Variants in DNAAF10 observed in about 807,000 individuals in gnomAD.
DNAAF10 encodes dynein axonemal assembly factor 10.
Under a neutral mutation model 43.7 loss-of-function variants are expected in DNAAF10, and 28 were observed. The observed-to-expected ratio is 0.64, with a 90% CI of 0.48 to 0.88. The LOEUF (loss-of-function observed/expected upper bound fraction) is 0.88. DNAAF10 is among the 40% of genes least tolerant of loss of function. The pLI, the probability that DNAAF10 is intolerant of heterozygous loss-of-function variation, is 0.00. For missense variants in DNAAF10, 403 were observed against 439.1 expected (o/e 0.92, Z 0.73); for synonymous variants, 156 against 157.3 (o/e 0.99, Z 0.06).
At chr2:68,143,130 G>A (rs983249954) in intron 3 of DNAAF10, among the ~76,000 whole-genome samples, 1 of 151,910 alleles carries the variant, frequency 6.6e-6, no homozygotes, top group Non-Finnish European at 1.5e-5. Flanking sequence ...CCCAAGTGCT[G>A]GGATTACAGA....
chr2:68,131,144 T>C lies in DNAAF10; in HGVS notation c.*94A>G. ...CATGTTAGCCAGGATGGTCTCGATCTCCTGACCTTCTGATCCACCCGCCTC... is the reference window on the plus strand; with the variant it reads ...CATGTTAGCCAGGATGGTCTCGATCCCCTGACCTTCTGATCCACCCGCCTC... On this transcript the variant is annotated 3_prime_UTR_variant, in exon 8 of 8. Coordinates refer to ENST00000295121, the MANE Select transcript of DNAAF10 (RefSeq NM_138458.4). 2 of 1,253,954 alleles carry C rather than the reference T, an allele frequency of 1.6e-6. No homozygotes were observed. The highest frequency in any genetic ancestry group is 2.3e-6 in the Non-Finnish European group (2 of 861,822). 77.7% of individuals were successfully genotyped at this position (1,253,954 alleles called of 1,614,324 possible).
chr2:68,138,429 T>C (rs2290116), intron 5 of DNAAF10, among the ~76,000 whole-genome samples: 21,854 of 152,190 alleles, frequency 0.14, 2,093 homozygotes, highest in Non-Finnish European at 0.21. Context: ...CTTTCTGATA[T>C]TGGCATAAAA....
chr2:68,151,859 A>G (rs1040629878), intron 1 of DNAAF10, among the ~76,000 whole-genome samples: 7 of 152,226 alleles, frequency 4.6e-5, no homozygotes, highest in Non-Finnish European at 8.8e-5. Flanking sequence ...TTTCTAATAT[A>G]TACAACACTG....
In DNAAF10 at chr2:68,144,538, T is replaced by C. The variant is rs373765687; in HGVS notation, c.415+47A>G. The C allele has an allele frequency of 3.1e-5, 50 of 1,601,118 alleles. No homozygotes were observed. The African/African-American group carries it at 6.1e-4, about 19-fold the overall frequency. ...GAGAGGATGTACTGCTGCATAGAGA[T>C]TTCCATTAAAATAAATAAACAAAAT... On this transcript the variant is annotated intron_variant, in intron 3 of 7. Transcript: ENST00000295121.
At chr2:68,151,572 T>C (rs1242150127) in intron 1 of DNAAF10, among the ~76,000 whole-genome samples, 3 of 152,202 alleles carry the variant, frequency 2.0e-5, no homozygotes, top group Non-Finnish European at 2.9e-5. Context: ...CCTTGCCTAA[T>C]TTTTTTAACG....
chr2:68,133,546 A>G (rs1672969105), intron 7 of DNAAF10, among the ~76,000 whole-genome samples: 1 of 152,164 alleles, frequency 6.6e-6, no homozygotes, highest in Non-Finnish European at 1.5e-5. Context: ...TGAGGTCAGG[A>G]GTTCGAGATC....
intron 6 of DNAAF10, among the ~76,000 whole-genome samples, chr2:68,135,742 AAC>A (rs1673027184): frequency 6.6e-6 from 1 of 152,244 alleles, no homozygotes; most frequent in Non-Finnish European, 1.5e-5. Context: ...TTGAGTGTGT[AAC>A]AGTCTCTCAG....
At chr2:68,146,043 C>T (rs1673308139) in intron 2 of DNAAF10, among the ~76,000 whole-genome samples, 1 of 152,104 alleles carries the variant, frequency 6.6e-6, no homozygotes, top group South Asian at 2.1e-4. Context: ...GAGTAGATCA[C>T]CTGAGGTCAG....
chr2:68,137,287 C>T lies in DNAAF10; in HGVS notation c.768+12G>A, dbSNP rs370753823. 18 of 1,602,950 alleles carry T rather than the reference C, an allele frequency of 1.1e-5. No individual in the cohort carries two copies. In the African/African-American group the frequency reaches 2.0e-4, roughly 18 times the overall value. On this transcript the variant is annotated intron_variant, in intron 6 of 7. Coordinates refer to ENST00000295121, the MANE Select transcript of DNAAF10 (RefSeq NM_138458.4). Reference sequence around the variant, plus strand: ...ATTCTTCTTCATAGAAAGACATTTCCCTCATATTTACCTTTTCTGAAACAG... The same window carrying T: ...ATTCTTCTTCATAGAAAGACATTTCTCTCATATTTACCTTTTCTGAAACAG...
intron 3 of DNAAF10, 131 bp from the exon 4 acceptor site, chr2:68,141,926 A>G: frequency 2.7e-6 from 2 of 735,000 alleles, no homozygotes; most frequent in South Asian, 1.8e-5. Flanking sequence ...AAATATCCAC[A>G]TTGTTCTGAC....
In DNAAF10 at chr2:68,157,414, G is replaced by A; in HGVS notation, c.30C>T (p.Ile10=). 6.2e-7 allele frequency: 1 copy of A among 1,614,168 alleles called. No homozygotes were observed. Among genetic ancestry groups the A allele is most frequent in the Non-Finnish European group, 8.5e-7 (1 of 1,180,026 alleles). Residue 10 remains isoleucine (I), a synonymous_variant, in exon 1 of 8, where the codon ATC becomes ATT. Coordinates refer to ENST00000295121, the MANE Select transcript of DNAAF10 (RefSeq NM_138458.4). MSAFEKPQI[I]AHIQKGFNYT... ...AGTTGAAGCCCTTCTGGATATGGGC[G>A]ATGATCTGAGGCTTCTCGAAGGCCG...
rs1413226347 is a variant in DNAAF10 at position 68,155,353 on chromosome 2, G to A, written c.183+1908C>T. Among the ~76,000 whole-genome samples, 5 of 151,856 alleles carry A rather than the reference G, an allele frequency of 3.3e-5. No individual in the cohort carries two copies. The East Asian group carries it at 5.8e-4, about 18-fold the overall frequency. ...CTAAAAATACAAAAAAATTAGTTGG[G>A]CGTGGTAGCATGTGCCTGTAATTCC... On this transcript the variant is annotated intron_variant, in intron 1 of 7. Coordinates refer to ENST00000295121, the MANE Select transcript of DNAAF10 (RefSeq NM_138458.4).
chr2:68,154,993 T>C (rs1003874342), intron 1 of DNAAF10, among the ~76,000 whole-genome samples: 3 of 152,010 alleles, frequency 2.0e-5, no homozygotes, highest in African/African-American at 7.2e-5. Context: ...AGGCTGGTCT[T>C]GAACTCCTGG....
rs1572915956 is a variant in DNAAF10, at chr2:68,134,460, A to T, written c.866+242T>A. 18 of 1,276,216 alleles carry T rather than the reference A, an allele frequency of 1.4e-5. No individual in the cohort carries two copies. In the East Asian group the frequency reaches 7.6e-4, roughly 54 times the overall value. The allele number at this position is 1,276,216 out of a possible 1,614,324, so 79.1% of individuals were successfully genotyped here. A position where few individuals can be genotyped will look rare whatever the true frequency, so the allele number is the denominator to read the frequency against. ...GTCTTGGGCCAACTTTTTCATACTT[A>T]GAAGACACAACTAAAATGATATACT... On this transcript the variant is annotated intron_variant, in intron 7 of 7. Coordinates refer to ENST00000295121, the MANE Select transcript of DNAAF10 (RefSeq NM_138458.4).
chr2:68,154,890 G>A (rs572982787), intron 1 of DNAAF10, among the ~76,000 whole-genome samples: 5 of 152,034 alleles, frequency 3.3e-5, no homozygotes, highest in Non-Finnish European at 5.9e-5. Context: ...AGCCTCCCAA[G>A]TAGCTGGGAC....
intron 1 of DNAAF10, among the ~76,000 whole-genome samples, chr2:68,153,201 G>A (rs1422372996): frequency 3.3e-5 from 5 of 152,058 alleles, no homozygotes; most frequent in Non-Finnish European, 4.4e-5. Flanking sequence ...AACTGAACAC[G>A]GAGGCCCTGC....
At chr2:68,147,613 A>G (rs1288818981) in intron 1 of DNAAF10, 46 bp from the exon 2 acceptor site, 3 of 1,399,456 alleles carry the variant, frequency 2.1e-6, no homozygotes, top group South Asian at 1.3e-5. Context: ...ATGTAAGCAG[A>G]TATTTATAAT....
rs1390613614 is a variant in DNAAF10 at position 68,157,511 on chromosome 2, A to G, written c.-68T>C. 6.2e-7 allele frequency: 1 copy of G among 1,605,924 alleles called. No homozygotes were observed. Among genetic ancestry groups the G allele is most frequent in the South Asian group, 1.1e-5 (1 of 90,926 alleles). Reference sequence around the variant, plus strand: ...CCCCAAAAACGGCAACCTGGAAACCAGACTCCAAACATTGGCAATTTGTCC... The same window carrying G: ...CCCCAAAAACGGCAACCTGGAAACCGGACTCCAAACATTGGCAATTTGTCC... On this transcript the variant is annotated 5_prime_UTR_variant, in exon 1 of 8. Coordinates refer to ENST00000295121, the MANE Select transcript of DNAAF10 (RefSeq NM_138458.4).
chr2:68,138,061 GT>G (rs757197817), intron 5 of DNAAF10, among the ~76,000 whole-genome samples: 18 of 151,164 alleles, frequency 1.2e-4, no homozygotes, highest in Admixed American at 4.0e-4. Flanking sequence ...TGTAGTCCCA[GT>G]TACTCGGGAG....
Sources: allele counts gnomAD v4.1 joint callset (sites outside exome capture counted in the v4.1 genomes callset), GRCh38; gene constraint gnomAD v4.1.1; transcripts MANE v1.5; gene names NCBI Gene and HGNC (gene_info 2026-07-23, HGNC 2026-07-21).